Variants in PDCD1LG2 observed in about 807,000 individuals in gnomAD.
PDCD1LG2 encodes B7 dendritic cell molecule.
Under a neutral mutation model 28.2 loss-of-function variants are expected in PDCD1LG2, and 32 were observed. That is an observed-to-expected ratio of 1.13 (90% CI 0.86 to 1.52). The LOEUF (loss-of-function observed/expected upper bound fraction) is 1.52, where lower values mean the gene tolerates loss of function less well. Among genes scored for constraint, PDCD1LG2 ranks in the 40% most tolerant of loss-of-function variants. The pLI is 0.00. For synonymous variants in PDCD1LG2, 116 were observed against 120.2 expected (o/e 0.97, Z 0.23); for missense variants, 385 against 323.8 (o/e 1.19, Z -1.45).
chr9:5,537,923 C>T (rs942765906), intron 3 of PDCD1LG2, among the ~76,000 whole-genome samples: 11 of 151,980 alleles, frequency 7.2e-5, no homozygotes, highest in African/African-American at 2.7e-4. Flanking sequence ...ACATTTAAAG[C>T]TTCATAGTCA....
chr9:5,514,700 G>C (rs1820121895), intron 1 of PDCD1LG2, among the ~76,000 whole-genome samples: 1 of 146,658 alleles, frequency 6.8e-6, no homozygotes, highest in South Asian at 2.2e-4. Flanking sequence ...CGAGGCTGCA[G>C]TGCTCTATGA....
At position 5,571,039 on chromosome 9, in the gene PDCD1LG2, G is replaced by A. The variant is rs1816759135; in HGVS notation, c.*1080G>A. The A allele has an allele frequency of 4.3e-6, 1 of 232,428 alleles. No homozygotes were observed. 14.4% of individuals were successfully genotyped at this position (232,428 alleles called of 1,614,324 possible). On this transcript the variant is annotated 3_prime_UTR_variant, in exon 7 of 7. Coordinates refer to ENST00000397747, the MANE Select transcript of PDCD1LG2 (RefSeq NM_025239.4). ...TGGAGCCATGAAGCTCAGAGCATTA[G>A]CTGACCCTTGAACTATTCAAATGGG... is the stretch of plus-strand genomic sequence containing the variant.
Position 5,557,710 on chromosome 9 carries a change from G to T in PDCD1LG2, c.724G>T (p.Ala242Ser), listed in dbSNP as rs1034337814. Residue 242 changes from alanine (A) to serine (S), a missense_variant, in exon 5 of 7, where the codon GCC becomes TCC. Ala to Ser is a moderately conservative substitution (Grantham distance 99, BLOSUM62 1). Transcript: ENST00000397747. ...IAFIFIATVIALRKQLCQKLY... is the reference protein window; with the variant it reads ...IAFIFIATVISLRKQLCQKLY... ...TTTCATTTTCATAGCCACAGTGATA[G>T]CCCTAAGAAAACAACTCTGTCAAAA... 1 of 1,613,930 alleles carries T rather than the reference G, an allele frequency of 6.2e-7. No individual in the cohort carries two copies. The highest frequency in any genetic ancestry group is 8.5e-7 in the Non-Finnish European group (1 of 1,179,834).
At chr9:5,556,562 A>G (rs970609475) in intron 4 of PDCD1LG2, among the ~76,000 whole-genome samples, 9 of 152,176 alleles carry the variant, frequency 5.9e-5, no homozygotes, top group African/African-American at 2.2e-4. Flanking sequence ...TGAGGGGCTC[A>G]GACTAAATAA....
At chr9:5,545,091 G>A (rs1484112055) in intron 3 of PDCD1LG2, among the ~76,000 whole-genome samples, 1 of 152,190 alleles carries the variant, frequency 6.6e-6, no homozygotes, top group Non-Finnish European at 1.5e-5. Context: ...TCAAATATCA[G>A]AAGGGTTACC....
At chr9:5,535,767 T>G (rs887537388) in intron 3 of PDCD1LG2, among the ~76,000 whole-genome samples, 1 of 152,160 alleles carries the variant, frequency 6.6e-6, no homozygotes, top group Admixed American at 6.5e-5. Context: ...GAGAGTCCCA[T>G]GAAGTCTATA....
At chr9:5,559,097 T>G (rs142366638) in intron 5 of PDCD1LG2, among the ~76,000 whole-genome samples, 1 of 152,178 alleles carries the variant, frequency 6.6e-6, no homozygotes, top group African/African-American at 2.4e-5. Flanking sequence ...AGTGTTCCGT[T>G]CCAGCTGTCT....
At chr9:5,547,991 C>A (rs1367253106) in intron 3 of PDCD1LG2, among the ~76,000 whole-genome samples, 1 of 150,970 alleles carries the variant, frequency 6.6e-6, no homozygotes, top group Non-Finnish European at 1.5e-5. Context: ...ATCACATCAC[C>A]AAGTTGTTTT....
At chr9:5,522,827 A>T (rs1389962125) in intron 2 of PDCD1LG2, among the ~76,000 whole-genome samples, 1 of 152,122 alleles carries the variant, frequency 6.6e-6, no homozygotes, top group Non-Finnish European at 1.5e-5. Flanking sequence ...TGCTCCATCT[A>T]TTCCCACTAT....
chr9:5,528,473 T>C (rs1820421237), intron 2 of PDCD1LG2, among the ~76,000 whole-genome samples: 1 of 151,366 alleles, frequency 6.6e-6, no homozygotes. Context: ...GCTAATTTTT[T>C]TTTTTTAATT....
At chr9:5,523,050 G>A (rs1820307217) in intron 2 of PDCD1LG2, among the ~76,000 whole-genome samples, 1 of 152,186 alleles carries the variant, frequency 6.6e-6, no homozygotes, top group South Asian at 2.1e-4. Flanking sequence ...AGTTGTTTCT[G>A]TGAGTTTCTT....
chr9:5,523,357 C>A (rs1299653922), intron 2 of PDCD1LG2, among the ~76,000 whole-genome samples: 1 of 152,194 alleles, frequency 6.6e-6, no homozygotes, highest in Non-Finnish European at 1.5e-5. Flanking sequence ...ATTAAGTCCT[C>A]AAGACAATAG....
intron 1 of PDCD1LG2, among the ~76,000 whole-genome samples, chr9:5,520,985 G>A (rs1023076064): frequency 1.3e-5 from 2 of 152,138 alleles, no homozygotes; most frequent in African/African-American, 4.8e-5. Context: ...ACTGATGAAT[G>A]GGTAAGCAAA....
chr9:5,533,895 G>C lies in PDCD1LG2; in HGVS notation c.56-850G>C, dbSNP rs182469447. 4.0e-5 allele frequency among the ~76,000 whole-genome samples: 6 copies of C among 150,764 alleles called. No homozygotes were observed. The East Asian group carries it at 5.8e-4, about 15-fold the overall frequency. ...TCAGTATTAAACAATATAGTTAAAA[G>C]TACCTAGCACAGTGCCTGGCATAGA... is the stretch of plus-strand genomic sequence containing the variant. On this transcript the variant is annotated intron_variant, in intron 2 of 6. Transcript: ENST00000397747.
chr9:5,535,551 C>T (rs534561341), intron 3 of PDCD1LG2, among the ~76,000 whole-genome samples: 2 of 152,154 alleles, frequency 1.3e-5, no homozygotes, highest in East Asian at 3.9e-4. Context: ...GTAGATCAGA[C>T]GACATCACAG....
chr9:5,550,626 C>T (rs1375639163), intron 4 of PDCD1LG2, among the ~76,000 whole-genome samples: 1 of 152,052 alleles, frequency 6.6e-6, no homozygotes, highest in Non-Finnish European at 1.5e-5. Flanking sequence ...CCTCATGGCC[C>T]CTCCCTCTAT....
Position 5,526,891 on chromosome 9 carries a change from G to A in PDCD1LG2, c.55+4290G>A, listed in dbSNP as rs1007333476. On this transcript the variant is annotated intron_variant, in intron 2 of 6. Transcript: ENST00000397747. ...ATTTATATATTTTATTGGACATGCT[G>A]TAATTTATTTAACCACTTCCCTGTT... 5.9e-5 allele frequency among the ~76,000 whole-genome samples: 9 copies of A among 152,022 alleles called. 1 individual carries two copies. The highest frequency in any genetic ancestry group is 1.3e-4 in the Non-Finnish European group (9 of 68,008).
At chr9:5,559,479 G>T (rs950823721) in intron 5 of PDCD1LG2, among the ~76,000 whole-genome samples, 2 of 152,106 alleles carry the variant, frequency 1.3e-5, no homozygotes, top group Non-Finnish European at 2.9e-5. Context: ...AGGGTCAGAG[G>T]GCTAGGCTGG....
At chr9:5,512,860 A>G (rs919366421) in intron 1 of PDCD1LG2, among the ~76,000 whole-genome samples, 15 of 152,118 alleles carry the variant, frequency 9.9e-5, no homozygotes, top group Admixed American at 7.9e-4. Context: ...TCTTAAAACC[A>G]CAGTCAATCT....
Sources: allele counts gnomAD v4.1 joint callset (sites outside exome capture counted in the v4.1 genomes callset), GRCh38; gene constraint gnomAD v4.1.1; transcripts MANE v1.5; gene names NCBI Gene and HGNC (gene_info 2026-07-23, HGNC 2026-07-21).